LPP: variants seen among roughly 807,000 people sequenced by gnomAD.
The protein encoded by LPP is LIM domain containing preferred translocation partner in lipoma, also known as lipoma-preferred partner.
Under a neutral mutation model 60.4 loss-of-function variants are expected in LPP, and 38 were observed. The ratio of observed to expected loss-of-function variants is 0.63; its 90% CI spans 0.49 to 0.83. LPP has a LOEUF of 0.83. Among genes scored for constraint, LPP ranks in the 40% least tolerant of loss-of-function variants. The probability of loss-of-function intolerance (pLI) is 0.00; values close to 1 mark genes in which losing one functional copy is unlikely to be tolerated. For missense variants in LPP, 902 were observed against 783.6 expected, an observed-to-expected ratio of 1.15 and a Z score of -1.80; for synonymous variants, 328 against 290.8, an observed-to-expected ratio of 1.13 and a Z score of -1.30.
At chr3:188,451,979 A>G (rs1265296759) in intron 4 of LPP, among the ~76,000 whole-genome samples, 1 of 152,228 alleles carries the variant, frequency 6.6e-6, no homozygotes, top group African/African-American at 2.4e-5. Context: ...CCGAAAAAAT[A>G]GGTAAGGGGC....
At chr3:188,298,718 A>T (rs1475109689) in intron 2 of LPP, among the ~76,000 whole-genome samples, 2 of 152,330 alleles carry the variant, frequency 1.3e-5, no homozygotes, top group East Asian at 3.9e-4. Context: ...AGAAGGTCAC[A>T]AAAAGGGTGT....
chr3:188,305,605 A>G (rs1751270620), intron 2 of LPP, among the ~76,000 whole-genome samples: 1 of 152,186 alleles, frequency 6.6e-6, no homozygotes, highest in Non-Finnish European at 1.5e-5. Context: ...AAACACACAG[A>G]TACACACACA....
At position 188,299,871 on chromosome 3, in the gene LPP, T is replaced by C. The variant is rs534450072; in HGVS notation, c.-66-41792T>C. 8.1e-4 allele frequency among the ~76,000 whole-genome samples: 124 copies of C among 152,362 alleles called. 2 individuals are homozygous for C. The South Asian group carries it at 0.025, about 30-fold the overall frequency. On this transcript the variant is annotated intron_variant, in intron 2 of 11. Coordinates refer to ENST00000617246, the MANE Select transcript of LPP (RefSeq NM_001375462.1). ...TTTCGAGTTATGAGCTTCACCGCTC[T>C]GCTGTCTGTCTCTGGAGATCATCAT...
chr3:188,391,211 A>C (rs1290210299), intron 3 of LPP, among the ~76,000 whole-genome samples: 3 of 152,182 alleles, frequency 2.0e-5, no homozygotes, highest in Non-Finnish European at 4.4e-5. Context: ...AGCTGAGGCT[A>C]GCGTGCGGAG....
intron 4 of LPP, among the ~76,000 whole-genome samples, chr3:188,421,283 C>T (rs1787723970): frequency 6.6e-6 from 1 of 152,080 alleles, no homozygotes; most frequent in South Asian, 2.1e-4. Context: ...GATGATTCAT[C>T]AGTGCAGTGG....
intron 4 of LPP, among the ~76,000 whole-genome samples, chr3:188,427,548 T>C (rs1179672527): frequency 2.0e-5 from 3 of 152,148 alleles, no homozygotes; most frequent in Non-Finnish European, 4.4e-5. Flanking sequence ...TTTCCTGAAT[T>C]TGAATGTTGG....
At chr3:188,374,742 C>T (rs934019280) in intron 3 of LPP, among the ~76,000 whole-genome samples, 103 of 152,172 alleles carry the variant, frequency 6.8e-4, no homozygotes, top group East Asian at 5.2e-3. Context: ...TCCAACACTA[C>T]GTTGAATAGG....
intron 7 of LPP, among the ~76,000 whole-genome samples, chr3:188,699,817 C>T (rs1344162365): frequency 1.3e-5 from 2 of 152,058 alleles, no homozygotes; most frequent in Non-Finnish European, 2.9e-5. Context: ...TGCCCCTGGC[C>T]AGAAGGGGTT....
chr3:188,859,186 T>C lies in LPP; in HGVS notation c.1411-7014T>C, dbSNP rs377237347. Reference sequence around the variant, plus strand: ...TCAATACACAGATTTCGTTACAATATTCTTCCTGTGAAATGAATTTGTTTC... The same window carrying C: ...TCAATACACAGATTTCGTTACAATACTCTTCCTGTGAAATGAATTTGTTTC... On this transcript the variant is annotated intron_variant, in intron 9 of 11. Coordinates refer to ENST00000617246, the MANE Select transcript of LPP (RefSeq NM_001375462.1). Among the ~76,000 whole-genome samples, 5 of 152,180 alleles carry C rather than the reference T, an allele frequency of 3.3e-5. No individual in the cohort carries two copies. In the East Asian group the frequency reaches 7.7e-4, roughly 24 times the overall value.
rs551044785 is a variant in LPP at position 188,836,695 on chromosome 3, A to G, written c.1411-29505A>G. ...TACATGTTTCTTATCACTTTTTAAT[A>G]CTCCATAAGTGTTTTGTGTTCTTTG... On this transcript the variant is annotated intron_variant, in intron 9 of 11. Transcript: ENST00000617246. Among the ~76,000 whole-genome samples the G allele has an allele frequency of 2.0e-5, 3 of 152,234 alleles. No homozygotes were observed. In the South Asian group the frequency reaches 6.2e-4, roughly 32 times the overall value.
intron 2 of LPP, among the ~76,000 whole-genome samples, chr3:188,268,196 A>T (rs1482862891): frequency 6.6e-6 from 1 of 152,070 alleles, no homozygotes; most frequent in Non-Finnish European, 1.5e-5. Context: ...ATTGCAAGGC[A>T]ATTTCTAAAG....
chr3:188,553,783 G>T (rs1313985544), intron 6 of LPP: 4 of 152,200 alleles, frequency 2.6e-5, no homozygotes, highest in Non-Finnish European at 4.4e-5. Flanking sequence ...TAAACAGGAT[G>T]TTGGCTGGTA....
intron 1 of LPP, among the ~76,000 whole-genome samples, chr3:188,175,501 C>T (rs1189138672): frequency 2.0e-5 from 3 of 152,094 alleles, no homozygotes; most frequent in Non-Finnish European, 2.9e-5. Flanking sequence ...GTAAACAGTC[C>T]ATTTGTTGAT....
intron 2 of LPP, among the ~76,000 whole-genome samples, chr3:188,337,222 C>A (rs1761909360): frequency 6.6e-6 from 1 of 152,282 alleles, no homozygotes; most frequent in South Asian, 2.1e-4. Context: ...GCTATGCACT[C>A]CCAGAGCAAG....
At chr3:188,541,421 C>A (rs942246693) in intron 6 of LPP, among the ~76,000 whole-genome samples, 1 of 152,128 alleles carries the variant, frequency 6.6e-6, no homozygotes, top group Non-Finnish European at 1.5e-5. Context: ...TAGCTGCACA[C>A]CCTTAAGGCT....
intron 1 of LPP, among the ~76,000 whole-genome samples, chr3:188,163,243 T>C (rs1398923364): frequency 6.6e-6 from 1 of 152,188 alleles, no homozygotes; most frequent in East Asian, 1.9e-4. Context: ...AAGCTGGTGT[T>C]GAAGGTGAAA....
intron 8 of LPP, among the ~76,000 whole-genome samples, chr3:188,754,755 A>G (rs981813761): frequency 2.0e-5 from 3 of 152,128 alleles, no homozygotes; most frequent in African/African-American, 7.2e-5. Flanking sequence ...CAAGTTGTCT[A>G]TTATTACATG....
intron 5 of LPP, among the ~76,000 whole-genome samples, chr3:188,500,858 T>A (rs1170632680): frequency 2.0e-5 from 3 of 152,146 alleles, no homozygotes; most frequent in Admixed American, 6.5e-5. Context: ...CTCTCTTAAA[T>A]CTTTTTTATT....
At chr3:188,536,539 A>G (rs1352068123) in intron 6 of LPP, among the ~76,000 whole-genome samples, 1 of 152,266 alleles carries the variant, frequency 6.6e-6, no homozygotes, top group Non-Finnish European at 1.5e-5. Flanking sequence ...CCATACACAT[A>G]TATTTGCCTA....
Sources: gnomAD v4.1 joint callset for allele counts (sites outside exome capture counted in the v4.1 genomes callset) on GRCh38, gnomAD v4.1.1 for gene constraint, MANE v1.5 for transcripts, NCBI Gene and HGNC (gene_info 2026-07-23, HGNC 2026-07-21) for gene names.